The following MAMLD1 variants were observed in gnomAD, a reference collection of about 807,000 sequenced individuals.
MAMLD1 encodes the protein mastermind-like domain-containing protein 1.
MAMLD1 carries 14 observed loss-of-function variants against 45.0 expected under a neutral mutation model. That is an observed-to-expected ratio of 0.31 (90% CI 0.21 to 0.49). MAMLD1 has a LOEUF of 0.49. Among genes scored for constraint, MAMLD1 ranks in the 20% least tolerant of loss-of-function variants. The pLI is 0.99. For missense variants in MAMLD1, 543 were observed against 603.6 expected, an observed-to-expected ratio of 0.90 and a Z score of 1.05; for synonymous variants, 254 against 247.8, an observed-to-expected ratio of 1.02 and a Z score of -0.24.
chrX:150,436,765 G>A lies in MAMLD1; in HGVS notation c.-63-8689G>A, dbSNP rs144764695. Among the ~76,000 whole-genome samples the A allele has an allele frequency of 2.1e-3, 234 of 111,912 alleles. 2 individuals are homozygous for A. The highest frequency in any genetic ancestry group is 7.1e-3 in the African/African-American group (220 of 30,799). ...TTTCAGCCTGGTAAAGAACCATTAT[G>A]GGGAAGTAGTGTGGTCACTTGGAGG... On this transcript the variant is annotated intron_variant, in intron 1 of 7. Coordinates refer to ENST00000370401, the MANE Select transcript of MAMLD1 (RefSeq NM_005491.5).
At chrX:150,444,236 G>A (rs1477537871) in intron 1 of MAMLD1, among the ~76,000 whole-genome samples, 4 of 111,940 alleles carry the variant, frequency 3.6e-5, no homozygotes, top group Admixed American at 9.4e-5. Flanking sequence ...TTTGGCTTTT[G>A]TTGATGGAAT....
Position 150,512,314 on chromosome X carries a change from G to T in MAMLD1, c.*355G>T. On this transcript the variant is annotated 3_prime_UTR_variant, in exon 8 of 8. Transcript: ENST00000370401. ...AGGCCACCCCACCAGAAGTGCCCCT[G>T]CCTGGGTTCTGTCCCAGCTCCCTGG... The T allele has an allele frequency of 1.8e-6, 2 of 1,129,926 alleles. No homozygotes were observed. The highest frequency in any genetic ancestry group is 2.3e-6 in the Non-Finnish European group (2 of 857,534). 93.1% of individuals were successfully genotyped at this position (1,129,926 alleles called of 1,213,427 possible).
Position 150,503,423 on chromosome X carries a change from G to C in MAMLD1, c.2190G>C (p.Ser730=). ...FAHELARVTS[S]YSTSEAAPWG... is the part of the protein sequence containing the mutation. ...ATGAGCTGGCCCGAGTCACCTCCTC[G>C]TACAGCACCTCAGAGGCAGCGCCCT... The change falls in exon 6 of 8, where the codon TCG becomes TCC. Residue 730 remains serine (S), a synonymous_variant. Transcript: ENST00000370401. The C allele has an allele frequency of 1.7e-6, 2 of 1,211,735 alleles. No individual in the cohort carries two copies. The highest frequency in any genetic ancestry group is 3.5e-5 in the African/African-American group (2 of 57,845).
intron 1 of MAMLD1, among the ~76,000 whole-genome samples, chrX:150,364,872 C>A (rs1353644415): frequency 1.8e-5 from 2 of 112,970 alleles, no homozygotes; most frequent in African/African-American, 6.4e-5. Flanking sequence ...CCCCGGCCCG[C>A]GCCTGGGGAA....
intron 5 of MAMLD1, among the ~76,000 whole-genome samples, chrX:150,475,698 G>A (rs781802222): frequency 1.8e-5 from 2 of 112,077 alleles, no homozygotes; most frequent in Non-Finnish European, 1.9e-5. Flanking sequence ...GGTCCCATGA[G>A]CAATGTTACT....
chrX:150,389,938 G>T (rs1557402131), intron 1 of MAMLD1, among the ~76,000 whole-genome samples: 1 of 112,062 alleles, frequency 8.9e-6, no homozygotes, highest in Non-Finnish European at 1.9e-5. Context: ...TGATAATGTA[G>T]CCACTAATGC....
chrX:150,456,201 A>G lies in MAMLD1; in HGVS notation c.97-6571A>G, dbSNP rs2266830. On this transcript the variant is annotated intron_variant, in intron 2 of 7. Transcript: ENST00000370401. ...TGGCTTACTGCTGAGGTGTCCACACATCTACCACTATACATGCCTGGGGTT... is the reference window on the plus strand; with the variant it reads ...TGGCTTACTGCTGAGGTGTCCACACGTCTACCACTATACATGCCTGGGGTT... Among the ~76,000 whole-genome samples the G allele has an allele frequency of 1.4e-4, 16 of 110,746 alleles. No individual in the cohort carries two copies. The East Asian group carries it at 3.4e-3, about 24-fold the overall frequency.
At chrX:150,365,820 C>T (rs1293427282) in intron 1 of MAMLD1, among the ~76,000 whole-genome samples, 5 of 112,730 alleles carry the variant, frequency 4.4e-5, no homozygotes, top group Admixed American at 3.7e-4. Flanking sequence ...CTCTGGACTG[C>T]GCGCTGGCCT....
chrX:150,470,421 G>A lies in MAMLD1; in HGVS notation c.848G>A (p.Ser283Asn), dbSNP rs781996525. 4 of 1,210,511 alleles carry A rather than the reference G, an allele frequency of 3.3e-6. No individual in the cohort carries two copies. Among genetic ancestry groups the A allele is most frequent in the African/African-American group, 3.5e-5 (2 of 57,304 alleles). ...SPSSSMAQSKSQVQAMLPVAL... is the reference protein window; with the variant it reads ...SPSSSMAQSKNQVQAMLPVAL... ...AGTTCTTCAATGGCACAGTCCAAGAGCCAGGTCCAGGCCATGCTCCCTGTC... is the reference window on the plus strand; with the variant it reads ...AGTTCTTCAATGGCACAGTCCAAGAACCAGGTCCAGGCCATGCTCCCTGTC... The change falls in exon 4 of 8, where the codon AGC becomes AAC. Residue 283 changes from serine (S) to asparagine (N), a missense_variant. Ser to Asn is a conservative substitution (Grantham distance 46, BLOSUM62 1). Transcript: ENST00000370401.
At position 150,471,004 on chromosome X, in the gene MAMLD1, T is replaced by C. The variant is rs145301168; in HGVS notation, c.1431T>C (p.Cys477=). The change falls in exon 4 of 8, where the codon TGT becomes TGC. Residue 477 remains cysteine (C), a synonymous_variant. Coordinates refer to ENST00000370401, the MANE Select transcript of MAMLD1 (RefSeq NM_005491.5). ...CACAGCAGTCCTTCACCCCACAGTG[T>C]TCCCTGATCCGAAGCCTCACTCCCA... ...GLPQQSFTPQ[C]SLIRSLTPTS... 9.8e-5 allele frequency: 119 copies of C among 1,209,990 alleles called. No individual in the cohort carries two copies. In the African/African-American group the frequency reaches 1.9e-3, roughly 19 times the overall value.
chrX:150,412,340 C>G (rs2034143726), intron 1 of MAMLD1, among the ~76,000 whole-genome samples: 1 of 110,962 alleles, frequency 9.0e-6, no homozygotes, highest in Admixed American at 9.6e-5. Flanking sequence ...CCAGGCTTCC[C>G]CTAAGCTTCA....
intron 1 of MAMLD1, among the ~76,000 whole-genome samples, chrX:150,437,075 C>G (rs1404144433): frequency 9.0e-6 from 1 of 110,989 alleles, no homozygotes; most frequent in Non-Finnish European, 1.9e-5. Context: ...TCTGGCCCTT[C>G]AAGGTTAGAA....
chrX:150,421,651 G>A (rs1169365396), intron 1 of MAMLD1, among the ~76,000 whole-genome samples: 1 of 112,150 alleles, frequency 8.9e-6, no homozygotes, highest in Non-Finnish European at 1.9e-5. Context: ...TCAAAATGCC[G>A]AGTGACAACT....
intron 1 of MAMLD1, among the ~76,000 whole-genome samples, chrX:150,370,629 A>G (rs1557400974): frequency 3.6e-5 from 4 of 111,153 alleles, no homozygotes; most frequent in Non-Finnish European, 7.6e-5. Context: ...CCCCAAGAGC[A>G]TTTTCTTCCA....
At chrX:150,415,767 C>A (rs2034233317) in intron 1 of MAMLD1, among the ~76,000 whole-genome samples, 1 of 112,187 alleles carries the variant, frequency 8.9e-6, no homozygotes, top group Non-Finnish European at 1.9e-5. Flanking sequence ...CTGTGTGAAT[C>A]CTTAAACCCC....
At position 150,445,492 on chromosome X, in the gene MAMLD1, C is replaced by G. The variant is rs1557404744; in HGVS notation, c.-25C>G. 2 of 1,159,778 alleles carry G rather than the reference C, an allele frequency of 1.7e-6. No homozygotes were observed. The stretch of plus-strand genomic sequence containing the variant: ...TCGTTTGGGAAACGCCTTGGAGAGT[C>G]AAGAATAAATTTGCAGGTCAAACAA... On this transcript the variant is annotated 5_prime_UTR_variant, in exon 2 of 8. Transcript: ENST00000370401.
At chrX:150,469,597 A>C in intron 3 of MAMLD1, 148 bp from the exon 4 acceptor site, 1 of 463,802 alleles carries the variant, frequency 2.2e-6, no homozygotes, top group Non-Finnish European at 3.6e-6. Flanking sequence ...CCAAACCTTT[A>C]TAAAAATTCC....
At chrX:150,384,676 GA>G (rs1391983094) in intron 1 of MAMLD1, among the ~76,000 whole-genome samples, 2 of 111,607 alleles carry the variant, frequency 1.8e-5, no homozygotes, top group African/African-American at 6.5e-5. Context: ...TCATATCTAA[GA>G]AACTATTTCT....
chrX:150,448,350 T>C (rs2035557310), intron 2 of MAMLD1, among the ~76,000 whole-genome samples: 1 of 112,151 alleles, frequency 8.9e-6, no homozygotes, highest in Non-Finnish European at 1.9e-5. Flanking sequence ...GCTATTATTA[T>C]CTCCAGGAAA....
Sources: gnomAD v4.1 joint callset for allele counts (sites outside exome capture counted in the v4.1 genomes callset) on GRCh38, gnomAD v4.1.1 for gene constraint, MANE v1.5 for transcripts, NCBI Gene and HGNC (gene_info 2026-07-23, HGNC 2026-07-21) for gene names.